The following SLC14A2 variants were observed in gnomAD, a reference collection of about 807,000 sequenced individuals.
The protein encoded by SLC14A2 is urea transporter 2.
SLC14A2 carries 91 observed loss-of-function variants against 104.6 expected under a neutral mutation model. That is an observed-to-expected ratio of 0.87 (90% CI 0.73 to 1.04). SLC14A2 has a LOEUF of 1.04. SLC14A2 is among the 50% of genes least tolerant of loss of function. The pLI is 0.00. For synonymous variants in SLC14A2, 476 were observed against 466.4 expected, an observed-to-expected ratio of 1.02 and a Z score of -0.27; for missense variants, 1,189 against 1,156.0, an observed-to-expected ratio of 1.03 and a Z score of -0.41.
At chr18:45,198,970 A>AT in the SLC14A2 span, among the ~76,000 whole-genome samples, 1 of 151,950 alleles carries the variant, frequency 6.6e-6, no homozygotes, top group Non-Finnish European at 1.5e-5. Flanking sequence ...TCTGGATTTA[A>AT]TTTTTTCTGA....
At chr18:45,449,505 T>C (rs905505696) in intron 1 of SLC14A2, among the ~76,000 whole-genome samples, 3 of 152,120 alleles carry the variant, frequency 2.0e-5, no homozygotes, top group African/African-American at 7.2e-5. Flanking sequence ...GGAGTCTCCT[T>C]TTCCTACATC....
intron 1 of SLC14A2, among the ~76,000 whole-genome samples, chr18:45,444,751 C>T (rs1222697310): frequency 1.3e-5 from 2 of 152,284 alleles, no homozygotes; most frequent in East Asian, 3.9e-4. Flanking sequence ...AAGTGGGAGC[C>T]AGTGGCGAGC....
At chr18:45,516,214 A>G (rs1027730443) in intron 2 of SLC14A2, among the ~76,000 whole-genome samples, 2 of 152,016 alleles carry the variant, frequency 1.3e-5, no homozygotes, top group African/African-American at 4.8e-5. Flanking sequence ...CTCCCCCCTC[A>G]CTACTGTTTC....
At position 45,539,730 on chromosome 18, in the gene SLC14A2, G is replaced by A. The variant is rs144817297; in HGVS notation, c.-35+56408G>A. On this transcript the variant is annotated intron_variant, in intron 2 of 20. Coordinates refer to the SLC14A2 transcript ENST00000586448. Reference sequence around the variant, plus strand: ...GCTTTGGGATCTTTTAATTACATGTGACGAAACCTTGCTGTTGCTGGAATT... The same window carrying A: ...GCTTTGGGATCTTTTAATTACATGTAACGAAACCTTGCTGTTGCTGGAATT... Among the ~76,000 whole-genome samples the A allele has an allele frequency of 7.6e-3, 1,156 of 152,180 alleles. 17 individuals carry two copies. The highest frequency in any genetic ancestry group is 0.061 in the South Asian group (291 of 4,804).
chr18:45,184,477 AC>A, the SLC14A2 span, among the ~76,000 whole-genome samples: 1 of 152,180 alleles, frequency 6.6e-6, no homozygotes, highest in Non-Finnish European at 1.5e-5. Context: ...TTGTGCAGAC[AC>A]AGTACTTAAT....
chr18:45,475,413 T>G (rs1396411280), intron 1 of SLC14A2, among the ~76,000 whole-genome samples: 2 of 151,764 alleles, frequency 1.3e-5, no homozygotes, highest in African/African-American at 4.8e-5. Context: ...GTCCTGAATA[T>G]CCTTGTTAAT....
chr18:45,672,399 T>C (rs8093778), intron 16 of SLC14A2, among the ~76,000 whole-genome samples: 92,345 of 151,850 alleles, frequency 0.61, 28,057 homozygotes, highest in East Asian at 0.68. Flanking sequence ...CATGGCGGCA[T>C]ATGCCTGTAA....
At chr18:45,477,513 G>A (rs1203715042) in intron 1 of SLC14A2, among the ~76,000 whole-genome samples, 1 of 152,206 alleles carries the variant, frequency 6.6e-6, no homozygotes, top group African/African-American at 2.4e-5. Context: ...CAAGTGCTGT[G>A]CTGGGAGATC....
chr18:45,597,768 G>A (rs1404226199), intron 2 of SLC14A2, among the ~76,000 whole-genome samples: 1 of 152,178 alleles, frequency 6.6e-6, no homozygotes, highest in Non-Finnish European at 1.5e-5. Context: ...CAGAGAGACT[G>A]GTCTGCAGCC....
Position 45,673,498 on chromosome 18 carries a change from T to C in SLC14A2, c.2378-185T>C, listed in dbSNP as rs143610408. On this transcript the variant is annotated intron_variant, in intron 17 of 19. Coordinates refer to ENST00000255226, the MANE Select transcript of SLC14A2 (RefSeq NM_007163.4). ...ATGCCAGCTTAACTGCTAGTATTCATGGGACTCTATGGCCATTTGTTTCCT... is the reference window on the plus strand; with the variant it reads ...ATGCCAGCTTAACTGCTAGTATTCACGGGACTCTATGGCCATTTGTTTCCT... 1.0e-2 allele frequency among the ~76,000 whole-genome samples: 1,516 copies of C among 152,358 alleles called. 29 individuals are homozygous for C. Among genetic ancestry groups the C allele is most frequent in the African/African-American group, 0.034 (1,428 of 41,580 alleles).
intron 2 of SLC14A2, among the ~76,000 whole-genome samples, chr18:45,483,821 G>T (rs574887103): frequency 2.6e-5 from 4 of 152,254 alleles, no homozygotes; most frequent in Non-Finnish European, 4.4e-5. Context: ...CTACTGTTTT[G>T]CCAGGCATCG....
At chr18:45,294,403 C>T (rs1568139124) in intron 1 of SLC14A2, among the ~76,000 whole-genome samples, 1 of 152,050 alleles carries the variant, frequency 6.6e-6, no homozygotes. Flanking sequence ...TGAATATTAG[C>T]TAGTATTAAT....
At chr18:45,666,053 C>T in intron 11 of SLC14A2, 84 bp from the exon 12 acceptor site, 5 of 928,476 alleles carry the variant, frequency 5.4e-6, no homozygotes, top group Non-Finnish European at 7.2e-6. Flanking sequence ...ATCTTAACAC[C>T]TCTTGAGCCT....
intron 2 of SLC14A2, among the ~76,000 whole-genome samples, chr18:45,493,526 G>A (rs924858504): frequency 2.0e-5 from 3 of 152,204 alleles, no homozygotes; most frequent in Non-Finnish European, 2.9e-5. Context: ...TGGTGTGAGT[G>A]TTTTATGTAT....
intron 2 of SLC14A2, among the ~76,000 whole-genome samples, chr18:45,594,600 C>A (rs958206105): frequency 6.6e-6 from 1 of 152,128 alleles, no homozygotes; most frequent in Admixed American, 6.5e-5. Context: ...AGGGCAGACC[C>A]AGGCAGAGTG....
intron 2 of SLC14A2, among the ~76,000 whole-genome samples, chr18:45,573,696 A>G (rs1017789324): frequency 8.5e-5 from 13 of 152,364 alleles, no homozygotes; most frequent in African/African-American, 2.4e-4. Flanking sequence ...CAGCAAATCA[A>G]TTGATCCCTC....
intron 10 of SLC14A2, among the ~76,000 whole-genome samples, chr18:45,652,378 A>C (rs577540555): frequency 3.9e-5 from 6 of 152,352 alleles, no homozygotes; most frequent in Admixed American, 1.3e-4. Flanking sequence ...CAAGGGGGAA[A>C]ATGACAAGTC....
chr18:45,352,722 G>A (rs995281703), intron 1 of SLC14A2, among the ~76,000 whole-genome samples: 11 of 152,184 alleles, frequency 7.2e-5, no homozygotes, highest in African/African-American at 2.7e-4. Context: ...TGAGGCTGTG[G>A]TGGGGACAGA....
chr18:45,666,895 C>T, intron 12 of SLC14A2, 40 bp from the exon 13 acceptor site: 2 of 1,581,644 alleles, frequency 1.3e-6, no homozygotes, highest in South Asian at 1.1e-5. Flanking sequence ...GTAAGAACCA[C>T]CGAATGTGGG....
Sources: allele counts gnomAD v4.1 joint callset (sites outside exome capture counted in the v4.1 genomes callset), GRCh38; gene constraint gnomAD v4.1.1; transcripts MANE v1.5; gene names NCBI Gene and HGNC (gene_info 2026-07-23, HGNC 2026-07-21).